Variants in TLDC2 observed in about 807,000 individuals in gnomAD.
TLDC2 encodes TBC/LysM-associated domain containing 2.
Under a neutral mutation model 27.9 loss-of-function variants are expected in TLDC2, and 23 were observed. The observed-to-expected ratio is 0.82, with a 90% CI of 0.59 to 1.17. The LOEUF (loss-of-function observed/expected upper bound fraction) is 1.17, where lower values mean the gene tolerates loss of function less well. TLDC2 is among the 50% of genes most tolerant of loss of function. The probability of loss-of-function intolerance (pLI) is 0.00; values close to 1 mark genes in which losing one functional copy is unlikely to be tolerated. For missense variants in TLDC2, 286 were observed against 273.4 expected, an observed-to-expected ratio of 1.05 and a Z score of -0.32; for synonymous variants, 124 against 107.4, an observed-to-expected ratio of 1.16 and a Z score of -0.96.
intron 5 of TLDC2, 76 bp downstream of exon 5, chr20:36,887,604 A>T (rs1024019382): frequency 7.8e-6 from 11 of 1,416,134 alleles, no homozygotes; most frequent in Non-Finnish European, 1.1e-5. Context: ...CTGCTGGGCT[A>T]GGCTGCCCTT....
intron 4 of TLDC2, among the ~76,000 whole-genome samples, chr20:36,883,325 T>C (rs1989853935): frequency 6.6e-6 from 1 of 151,894 alleles, no homozygotes; most frequent in African/African-American, 2.4e-5. Flanking sequence ...TTTGTAGAGA[T>C]GTGGTTTTAC....
At position 36,889,343 on chromosome 20, in the gene TLDC2, A is replaced by G. The variant is rs1230848520; in HGVS notation, c.605A>G (p.Glu202Gly). ...AACAACGAGGTGCTGGCCCGGCAGG[A>G]GCAGTTCTGCATCCAGGAGCTGGAG... ...TFNNEVLARQ[E>G]QFCIQELEAW... Residue 202 changes from glutamate (E) to glycine (G), a missense_variant, in exon 6 of 7, where the codon GAG becomes GGG. Transcript: ENST00000217320. The G allele has an allele frequency of 1.9e-6, 3 of 1,613,992 alleles. No homozygotes were observed. The highest frequency in any genetic ancestry group is 2.7e-5 in the African/African-American group (2 of 74,906).
intron 1 of TLDC2, 70 bp downstream of exon 1, chr20:36,876,277 G>A: frequency 2.5e-6 from 4 of 1,604,134 alleles, no homozygotes. Context: ...GGCAGGGTGG[G>A]GCCTGGGCTA....
At chr20:36,877,811 T>C (rs1989706658) in intron 1 of TLDC2, 88 bp from the exon 2 acceptor site, 1 of 1,436,900 alleles carries the variant, frequency 7.0e-7, no homozygotes, top group Non-Finnish European at 9.4e-7. Flanking sequence ...AGTGATGAGG[T>C]GGCCCGAGGA....
intron 3 of TLDC2, 56 bp from the exon 4 acceptor site, chr20:36,880,599 T>C (rs1420603673): frequency 4.1e-6 from 6 of 1,463,420 alleles, no homozygotes; most frequent in Admixed American, 3.4e-5. Flanking sequence ...AGAATGAGGG[T>C]TGCCAGAGGA....
At chr20:36,885,399 G>T (rs1204497231) in intron 4 of TLDC2, among the ~76,000 whole-genome samples, 1 of 152,152 alleles carries the variant, frequency 6.6e-6, no homozygotes, top group Admixed American at 6.5e-5. Flanking sequence ...TAAAAAATTG[G>T]TTAATTCTTG....
intron 4 of TLDC2, among the ~76,000 whole-genome samples, chr20:36,881,634 C>A (rs574850521): frequency 6.6e-5 from 10 of 152,148 alleles, no homozygotes; most frequent in Non-Finnish European, 1.3e-4. Flanking sequence ...GGGGGTTTTG[C>A]CAAACTGGCT....
intron 4 of TLDC2, among the ~76,000 whole-genome samples, chr20:36,886,370 C>A (rs1439504143): frequency 2.0e-5 from 3 of 152,076 alleles, no homozygotes; most frequent in Non-Finnish European, 2.9e-5. Flanking sequence ...CCAAGGCAGG[C>A]GGATCACGAG....
chr20:36,880,070 C>CATATATATATATATATATATATACAT (rs1989768649), intron 3 of TLDC2, among the ~76,000 whole-genome samples: 1 of 73,054 alleles, frequency 1.4e-5, no homozygotes, highest in Admixed American at 1.8e-4. Context: ...TATATATATA[C>CATATATATATATATATATATATACAT]ATATATATAT....
chr20:36,877,204 A>G (rs894914554), intron 1 of TLDC2, among the ~76,000 whole-genome samples: 1 of 151,994 alleles, frequency 6.6e-6, no homozygotes, highest in African/African-American at 2.4e-5. Context: ...AACAGGAGGA[A>G]CCCGTGTCTC....
chr20:36,893,085 AAAAC>A lies in TLDC2; in HGVS notation c.*243_*246del. On this transcript the variant is annotated 3_prime_UTR_variant, in exon 7 of 7. Coordinates refer to ENST00000217320, the MANE Select transcript of TLDC2 (RefSeq NM_080628.3). ...CGCCATCCTATTAGGAAGAGAGAGA[AAAAC>A]AGGCAATAGAGAAAAGCCAGTTTCC... 1 of 1,611,358 alleles carries A rather than the reference AAAAC, an allele frequency of 6.2e-7. No homozygotes were observed. Among genetic ancestry groups the A allele is most frequent in the Non-Finnish European group, 8.5e-7 (1 of 1,179,980 alleles).
intron 4 of TLDC2, among the ~76,000 whole-genome samples, chr20:36,882,933 C>T (rs1353327652): frequency 6.6e-6 from 1 of 152,098 alleles, no homozygotes; most frequent in Non-Finnish European, 1.5e-5. Flanking sequence ...TTTGCTGGTT[C>T]GTCCTCATCT....
At chr20:36,882,309 G>A (rs751473270) in intron 4 of TLDC2, among the ~76,000 whole-genome samples, 16 of 152,192 alleles carry the variant, frequency 1.1e-4, no homozygotes, top group Non-Finnish European at 2.1e-4. Context: ...TAGGGAGGCA[G>A]AGGCAGGAGG....
Position 36,893,363 on chromosome 20 carries a change from C to A in TLDC2, c.*519C>A. 4.3e-6 allele frequency: 2 copies of A among 469,830 alleles called. No homozygotes were observed. Among genetic ancestry groups the A allele is most frequent in the Non-Finnish European group, 7.7e-6 (2 of 258,702 alleles). The allele number at this position is 469,830 out of a possible 1,614,324, so 29.1% of individuals were successfully genotyped here. A position where few individuals can be genotyped will look rare whatever the true frequency, so the allele number is the denominator to read the frequency against. On this transcript the variant is annotated 3_prime_UTR_variant, in exon 7 of 7. Transcript: ENST00000217320. ...CTCCTTCACACACCTTCACGGAGCA[C>A]AAACTCTGTCCTGTTTTCCCAGGAG... is the stretch of plus-strand genomic sequence containing the variant.
At chr20:36,890,420 T>TTCCTTCC in intron 6 of TLDC2, 1 of 15,866 alleles carries the variant, frequency 6.3e-5, no homozygotes, top group African/African-American at 1.1e-4. Flanking sequence ...CTTTCTTTCT[T>TTCCTTCC]TTCTTTCTCT....
In TLDC2 at chr20:36,893,323, GC is replaced by G. The variant is rs1568756788; in HGVS notation, c.*482del. On this transcript the variant is annotated 3_prime_UTR_variant, in exon 7 of 7. Coordinates refer to ENST00000217320, the MANE Select transcript of TLDC2 (RefSeq NM_080628.3). ...AGATGACTGGGAGCAGCATACCACT[GC>G]CCACCTCTATGGCCTCCTTCACACA... The G allele has an allele frequency of 3.7e-6, 2 of 543,738 alleles. No homozygotes were observed. The highest frequency in any genetic ancestry group is 3.8e-5 in the African/African-American group (2 of 52,564). The allele number at this position is 543,738 out of a possible 1,614,324, so 33.7% of individuals were successfully genotyped here.
intron 5 of TLDC2, among the ~76,000 whole-genome samples, chr20:36,887,992 C>A (rs574761695): frequency 2.6e-5 from 4 of 152,200 alleles, no homozygotes; most frequent in Admixed American, 2.6e-4. Flanking sequence ...ATCCTGAGGG[C>A]GGGGATGAGA....
intron 1 of TLDC2, 130 bp from the exon 2 acceptor site, chr20:36,877,769 C>T (rs1244148521): frequency 2.8e-6 from 3 of 1,083,250 alleles, no homozygotes; most frequent in Non-Finnish European, 1.3e-6. Context: ...CTACCCTGGG[C>T]TGGGCTGGGG....
intron 5 of TLDC2, 74 bp downstream of exon 5, chr20:36,887,602 C>A: frequency 7.1e-7 from 1 of 1,411,002 alleles, no homozygotes; most frequent in Non-Finnish European, 1.0e-6. Context: ...AACTGCTGGG[C>A]TAGGCTGCCC....
Sources: allele counts gnomAD v4.1 joint callset (sites outside exome capture counted in the v4.1 genomes callset), GRCh38; gene constraint gnomAD v4.1.1; transcripts MANE v1.5; gene names NCBI Gene and HGNC (gene_info 2026-07-23, HGNC 2026-07-21).